The following INO80C variants were observed in gnomAD, a reference collection of about 807,000 sequenced individuals.
INO80C encodes the protein INO80 complex subunit C.
Under a neutral mutation model 17.7 loss-of-function variants are expected in INO80C, and 17 were observed. The ratio of observed to expected loss-of-function variants is 0.96; its 90% CI spans 0.66 to 1.44. The LOEUF is 1.44. INO80C is among the 40% of genes most tolerant of loss of function. The pLI is 0.00. For synonymous variants in INO80C, 96 were observed against 95.8 expected, an observed-to-expected ratio of 1.00 and a Z score of -0.01; for missense variants, 244 against 245.0, an observed-to-expected ratio of 1.00 and a Z score of 0.03.
intron 4 of INO80C, among the ~76,000 whole-genome samples, chr18:35,478,031 A>G (rs1400566302): frequency 6.6e-6 from 1 of 152,196 alleles, no homozygotes; most frequent in Admixed American, 6.5e-5. Flanking sequence ...CTTTCATGTT[A>G]TCTCATATAG....
rs771335769 is a variant in INO80C, at chr18:35,497,768, C to T, written c.107G>A (p.Gly36Asp). ...TTTTTTCTTCTTACTGGCGCCATAG[C>T]CCCCGCCGCTGCTGCCATTGTGGGA... ...SPSHNGSSGGGYGASKKKKAS... is the reference protein window; with the variant it reads ...SPSHNGSSGGDYGASKKKKAS... Residue 36 changes from glycine (G) to aspartate (D), a missense_variant, in exon 1 of 5, where the codon GGC becomes GAC. By Grantham distance (94) the Gly-to-Asp change is moderately conservative. Coordinates refer to ENST00000334598, the MANE Select transcript of INO80C (RefSeq NM_194281.4). The T allele has an allele frequency of 3.7e-6, 6 of 1,612,806 alleles. No individual in the cohort carries two copies. Among genetic ancestry groups the T allele is most frequent in the South Asian group, 1.1e-5 (1 of 91,012 alleles).
At chr18:35,481,870 A>G (rs1004623274) in intron 1 of INO80C, among the ~76,000 whole-genome samples, 2 of 152,180 alleles carry the variant, frequency 1.3e-5, no homozygotes, top group African/African-American at 4.8e-5. Flanking sequence ...GGCAACAGCG[A>G]GACTCTACTC....
intron 4 of INO80C, among the ~76,000 whole-genome samples, chr18:35,476,643 A>AT (rs2045740030): frequency 1.3e-5 from 2 of 152,220 alleles, no homozygotes; most frequent in South Asian, 2.1e-4. Context: ...ATACAACCAT[A>AT]TCAACAATCA....
intron 1 of INO80C, 120 bp downstream of exon 1, chr18:35,497,599 C>T: frequency 1.4e-6 from 2 of 1,440,888 alleles, no homozygotes; most frequent in Non-Finnish European, 1.8e-6. Context: ...CAGCGTCTTT[C>T]AACCCCAACG....
intron 1 of INO80C, among the ~76,000 whole-genome samples, chr18:35,492,998 C>A (rs1012697474): frequency 2.6e-5 from 4 of 152,144 alleles, no homozygotes; most frequent in African/African-American, 4.8e-5. Flanking sequence ...TACAAAGTAA[C>A]AGAGTGATAT....
chr18:35,480,123 C>T (rs753462270), intron 2 of INO80C, among the ~76,000 whole-genome samples: 2 of 152,192 alleles, frequency 1.3e-5, no homozygotes, highest in Non-Finnish European at 2.9e-5. Flanking sequence ...TGAGGAAGTA[C>T]TTCTCATTTA....
intron 1 of INO80C, 131 bp downstream of exon 1, chr18:35,497,588 G>A: frequency 7.7e-6 from 11 of 1,431,144 alleles, no homozygotes; most frequent in Non-Finnish European, 9.2e-6. Flanking sequence ...ACTCCGCGGG[G>A]CAGCGTCTTT....
intron 4 of INO80C, 55 bp from the exon 5 acceptor site, chr18:35,468,797 T>A (rs1013007750): frequency 2.7e-5 from 41 of 1,541,700 alleles, no homozygotes; most frequent in Non-Finnish European, 3.6e-5. Flanking sequence ...TAGGGATATT[T>A]TAAGTTCAAG....
At chr18:35,495,013 T>G (rs901461511) in intron 1 of INO80C, among the ~76,000 whole-genome samples, 8 of 152,198 alleles carry the variant, frequency 5.3e-5, no homozygotes, top group Non-Finnish European at 1.2e-4. Context: ...GTTGGGCAAG[T>G]GACACAGATG....
intron 1 of INO80C, among the ~76,000 whole-genome samples, chr18:35,484,409 C>T (rs1339466512): frequency 6.6e-6 from 1 of 152,122 alleles, no homozygotes; most frequent in African/African-American, 2.4e-5. Flanking sequence ...AAACAATGAA[C>T]AATAGGCAAA....
At chr18:35,495,792 GAT>G (rs1368081232) in intron 1 of INO80C, among the ~76,000 whole-genome samples, 1 of 152,050 alleles carries the variant, frequency 6.6e-6, no homozygotes, top group Non-Finnish European at 1.5e-5. Flanking sequence ...AATCAAGAAA[GAT>G]AATGTAATGA....
At position 35,479,327 on chromosome 18, in the gene INO80C, A is replaced by G. The variant is rs763196543; in HGVS notation, c.352T>C (p.Leu118=). The part of the protein sequence containing the change: ...LKQILASERA[L]PWQLNDPNYF... ...TTAGGATCGTTCAGTTGCCACGGCAATGCCCTTTCAGAAGCGAGGATTTGT... is the reference window on the plus strand; with the variant it reads ...TTAGGATCGTTCAGTTGCCACGGCAGTGCCCTTTCAGAAGCGAGGATTTGT... The change falls in exon 3 of 5, where the codon TTG becomes CTG. Residue 118 remains leucine (L), a synonymous_variant. Coordinates refer to ENST00000334598, the MANE Select transcript of INO80C (RefSeq NM_194281.4). The G allele has an allele frequency of 2.7e-5, 44 of 1,613,706 alleles. No homozygotes were observed. Among genetic ancestry groups the G allele is most frequent in the South Asian group, 1.2e-4 (11 of 91,086 alleles).
At chr18:35,472,652 A>T (rs2045684491) in intron 4 of INO80C, among the ~76,000 whole-genome samples, 2 of 152,034 alleles carry the variant, frequency 1.3e-5, no homozygotes, top group Non-Finnish European at 2.9e-5. Flanking sequence ...TCTTTTTTTT[A>T]ATCTCAACAG....
At chr18:35,478,987 C>CT in intron 3 of INO80C, 1 of 231,868 alleles carries the variant, frequency 4.3e-6, no homozygotes, top group Non-Finnish European at 8.4e-6. Flanking sequence ...CTTGGGCTAC[C>CT]TTGTTTTTGG....
At chr18:35,477,389 AAGG>A (rs2045749978) in intron 4 of INO80C, among the ~76,000 whole-genome samples, 5 of 152,258 alleles carry the variant, frequency 3.3e-5, no homozygotes, top group Admixed American at 3.3e-4. Flanking sequence ...AATAATAACA[AAGG>A]AGGCAATTCT....
rs533686285 is a variant in INO80C, at chr18:35,478,607, G to A, written c.380-258C>T. ...GACCCTCTATTCCCACAGAACCACC[G>A]GAAAGCTCATCTGCCCACCAGCTAT... is the stretch of plus-strand genomic sequence containing the variant. On this transcript the variant is annotated intron_variant, in intron 3 of 4. Coordinates refer to ENST00000334598, the MANE Select transcript of INO80C (RefSeq NM_194281.4). 1.4e-4 allele frequency among the ~76,000 whole-genome samples: 22 copies of A among 152,148 alleles called. No individual in the cohort carries two copies. The South Asian group carries it at 1.7e-3, about 11-fold the overall frequency.
At chr18:35,474,942 C>T (rs1019127264) in intron 4 of INO80C, among the ~76,000 whole-genome samples, 1 of 152,060 alleles carries the variant, frequency 6.6e-6, no homozygotes, top group Non-Finnish European at 1.5e-5. Flanking sequence ...TTTTGGGACA[C>T]TATCAAATAG....
Position 35,468,655 on chromosome 18 carries a change from TGAC to T in INO80C, c.532_534del (p.Val178del), listed in dbSNP as rs754913543. On this transcript the variant is annotated inframe_deletion, in exon 5 of 5. Coordinates refer to ENST00000334598, the MANE Select transcript of INO80C (RefSeq NM_194281.4). ...GCCTTCCTCAGGGCCAGGTAGCCGG[TGAC>T]GACGTCAGAGGGCAGCCTCCGAATG... 1 of 1,614,074 alleles carries T rather than the reference TGAC, an allele frequency of 6.2e-7. No homozygotes were observed. Among genetic ancestry groups the T allele is most frequent in the South Asian group, 1.1e-5 (1 of 91,066 alleles).
Position 35,495,668 on chromosome 18 carries a change from C to T in INO80C, c.156+2051G>A, listed in dbSNP as rs114665654. Reference sequence around the variant, plus strand: ...TCCCTTTGGGGTCAAAACAATTATTCCTACCCATATGTCCTAGTGACACTC... The same window carrying T: ...TCCCTTTGGGGTCAAAACAATTATTTCTACCCATATGTCCTAGTGACACTC... On this transcript the variant is annotated intron_variant, in intron 1 of 4. Coordinates refer to ENST00000334598, the MANE Select transcript of INO80C (RefSeq NM_194281.4). 7.2e-3 allele frequency among the ~76,000 whole-genome samples: 1,089 copies of T among 152,288 alleles called. 19 individuals carry two copies. Among genetic ancestry groups the T allele is most frequent in the African/African-American group, 0.025 (1,027 of 41,548 alleles).
Sources: gnomAD v4.1 joint callset for allele counts (sites outside exome capture counted in the v4.1 genomes callset) on GRCh38, gnomAD v4.1.1 for gene constraint, MANE v1.5 for transcripts, NCBI Gene and HGNC (gene_info 2026-07-23, HGNC 2026-07-21) for gene names.